Variants in ARMC3 observed in about 807,000 individuals in gnomAD.
The protein encoded by ARMC3 is armadillo repeat containing 3.
In ARMC3, 74 loss-of-function variants were observed where a neutral mutation model predicts 90.3. The ratio of observed to expected loss-of-function variants is 0.82; its 90% confidence interval spans 0.68 to 0.99. The LOEUF (loss-of-function observed/expected upper bound fraction) is 0.99. Among genes scored for constraint, ARMC3 ranks in the 50% least tolerant of loss-of-function variants. The probability of loss-of-function intolerance (pLI) is 0.00; values close to 1 mark genes in which losing one functional copy is unlikely to be tolerated. For synonymous variants in ARMC3, 334 were observed against 361.8 expected, an observed-to-expected ratio of 0.92 and a Z score of 0.87; for missense variants, 958 against 1,042.8, an observed-to-expected ratio of 0.92 and a Z score of 1.12.
chr10:22,942,087 TTATTCAGA>T (rs1275553372), intron 2 of ARMC3, among the ~76,000 whole-genome samples: 1 of 152,160 alleles, frequency 6.6e-6, no homozygotes, highest in Non-Finnish European at 1.5e-5. Flanking sequence ...AGCAGAAGTG[TTATTCAGA>T]TAATAGAACA....
At chr10:22,980,260 A>G (rs1013287397) in intron 8 of ARMC3, among the ~76,000 whole-genome samples, 2 of 152,168 alleles carry the variant, frequency 1.3e-5, no homozygotes, top group Non-Finnish European at 2.9e-5. Flanking sequence ...CATATCACAC[A>G]TTCTTCCATT....
At chr10:23,014,171 A>G (rs1403352437) in intron 16 of ARMC3, 5 of 1,549,110 alleles carry the variant, frequency 3.2e-6, no homozygotes, top group Admixed American at 2.0e-5. Context: ...TGAGGAGAAC[A>G]CAGAGACTTT....
chr10:22,994,529 C>A (rs1248720819), intron 10 of ARMC3, among the ~76,000 whole-genome samples: 5 of 152,070 alleles, frequency 3.3e-5, no homozygotes, highest in Non-Finnish European at 5.9e-5. Flanking sequence ...AAGACTCCAT[C>A]TCTAGAAAAA....
At chr10:22,974,047 C>G (rs7895048) in intron 8 of ARMC3, among the ~76,000 whole-genome samples, 1 of 151,890 alleles carries the variant, frequency 6.6e-6, no homozygotes, top group South Asian at 2.1e-4. Flanking sequence ...CGTGAGCCAC[C>G]GCGGTCGGCC....
intron 10 of ARMC3, among the ~76,000 whole-genome samples, chr10:22,993,371 T>A (rs1291385884): frequency 6.6e-6 from 1 of 152,176 alleles, no homozygotes; most frequent in African/African-American, 2.4e-5. Context: ...TTGAATACCA[T>A]CTAAAAATTA....
chr10:22,939,876 G>A (rs1450469548), intron 2 of ARMC3, among the ~76,000 whole-genome samples: 3 of 152,044 alleles, frequency 2.0e-5, no homozygotes, highest in African/African-American at 7.2e-5. Flanking sequence ...AAAGGAACAG[G>A]GAGCAAATGT....
At chr10:22,973,350 G>T (rs1024138578) in intron 8 of ARMC3, among the ~76,000 whole-genome samples, 6 of 149,350 alleles carry the variant, frequency 4.0e-5, no homozygotes, top group African/African-American at 1.5e-4. Context: ...TAACATCTTT[G>T]ATTTATAGTT....
chr10:23,035,556 C>G (rs1279261978), intron 18 of ARMC3, among the ~76,000 whole-genome samples: 1 of 152,088 alleles, frequency 6.6e-6, no homozygotes, highest in Non-Finnish European at 1.5e-5. Context: ...TACTCTTTAT[C>G]TCCCTTATTT....
intron 10 of ARMC3, among the ~76,000 whole-genome samples, chr10:22,989,746 C>T (rs1027530025): frequency 4.6e-5 from 7 of 152,186 alleles, no homozygotes; most frequent in African/African-American, 1.4e-4. Flanking sequence ...TTATTTCTGT[C>T]CAAGTTTACT....
intron 7 of ARMC3, among the ~76,000 whole-genome samples, chr10:22,965,487 C>G (rs1267225383): frequency 6.6e-6 from 1 of 152,140 alleles, no homozygotes; most frequent in Non-Finnish European, 1.5e-5. Flanking sequence ...TTATCTTTGG[C>G]TTTCTGCATT....
chr10:23,002,594 TTTCTTTTTTTCTTTC>T (rs1837357750), intron 12 of ARMC3, among the ~76,000 whole-genome samples: 1 of 151,050 alleles, frequency 6.6e-6, no homozygotes, highest in Admixed American at 6.6e-5. Flanking sequence ...TTTTCTTTCT[TTTCTTTTTTTCTTTC>T]TTTTTTTTTT....
Position 23,037,357 on chromosome 10 carries a change from T to A in ARMC3, c.2497T>A (p.Ser833Thr). The change falls in exon 19 of 19, where the codon TCT becomes ACT. Residue 833 changes from serine to threonine, a missense_variant. Coordinates refer to ENST00000298032, the MANE Select transcript of ARMC3 (RefSeq NM_173081.5). ...GAATGAAGTCATGCTGCAGAATGAC[T>A]CTCGGAAGGGAGTGATTGGGGGCCT... is the stretch of plus-strand genomic sequence containing the variant. ...AWNEVMLQNDSRKGVIGGLPA... is the reference protein window; with the variant it reads ...AWNEVMLQNDTRKGVIGGLPA... 6.2e-7 allele frequency: 1 copy of A among 1,613,980 alleles called. No individual in the cohort carries two copies. The highest frequency in any genetic ancestry group is 8.5e-7 in the Non-Finnish European group (1 of 1,179,924).
rs144830077 is a variant in ARMC3, at chr10:22,959,277, T to A, written c.362-122T>A. ...AAACCACAGCTCAATTTTGAGTTTATAAAAGAGGTGAGCTTTAAGCAAGAT... is the reference window on the plus strand; with the variant it reads ...AAACCACAGCTCAATTTTGAGTTTAAAAAAGAGGTGAGCTTTAAGCAAGAT... On this transcript the variant is annotated intron_variant, in intron 5 of 18. Coordinates refer to ENST00000298032, the MANE Select transcript of ARMC3 (RefSeq NM_173081.5). 4.4e-4 allele frequency: 581 copies of A among 1,328,524 alleles called. 9 individuals are homozygous for A. The East Asian group carries it at 0.013, about 31-fold the overall frequency. 82.3% of individuals were successfully genotyped at this position (1,328,524 alleles called of 1,614,324 possible). A position where few individuals can be genotyped will look rare whatever the true frequency, so the allele number is the denominator to read the frequency against.
chr10:23,009,791 T>C (rs780998861), intron 16 of ARMC3, among the ~76,000 whole-genome samples: 3 of 152,196 alleles, frequency 2.0e-5, no homozygotes, highest in Non-Finnish European at 4.4e-5. Flanking sequence ...GCCACCCTGC[T>C]CGGCCCCACA....
Position 22,932,093 on chromosome 10 carries a change from A to T in ARMC3, c.48+49A>T, listed in dbSNP as rs760059359. On this transcript the variant is annotated intron_variant, in intron 2 of 18. Coordinates refer to ENST00000298032, the MANE Select transcript of ARMC3 (RefSeq NM_173081.5). ...GTAGCACTTTAACAACCAGTTATAA[A>T]AATAAATTGTTCACACAGTTTGGCA... The T allele has an allele frequency of 2.6e-6, 4 of 1,513,370 alleles. No individual in the cohort carries two copies. The South Asian group carries it at 4.9e-5, about 19-fold the overall frequency. 93.7% of individuals were successfully genotyped at this position (1,513,370 alleles called of 1,614,324 possible).
At chr10:23,016,778 G>A (rs7079729) in intron 16 of ARMC3, among the ~76,000 whole-genome samples, 118,548 of 152,098 alleles carry the variant, frequency 0.78, 46,561 homozygotes, top group Non-Finnish European at 0.82. Flanking sequence ...ATTTCCTGGA[G>A]GTGTATCAGA....
intron 16 of ARMC3, among the ~76,000 whole-genome samples, chr10:23,010,191 C>A (rs1343931636): frequency 7.1e-6 from 1 of 141,346 alleles, no homozygotes; most frequent in African/African-American, 2.6e-5. Context: ...CAGCTTCCCT[C>A]TCCTTCCCTT....
chr10:22,949,294 A>T (rs962599335), intron 3 of ARMC3, among the ~76,000 whole-genome samples: 5 of 151,940 alleles, frequency 3.3e-5, no homozygotes, highest in African/African-American at 9.7e-5. Flanking sequence ...GAAAAAACGC[A>T]TAATAAGATA....
At chr10:22,942,146 T>C (rs974162990) in intron 2 of ARMC3, among the ~76,000 whole-genome samples, 2 of 152,138 alleles carry the variant, frequency 1.3e-5, no homozygotes, top group Non-Finnish European at 2.9e-5. Flanking sequence ...GGGAGAAAGC[T>C]GATAAAGGGA....
Sources: gnomAD v4.1 joint callset for allele counts (sites outside exome capture counted in the v4.1 genomes callset) on GRCh38, gnomAD v4.1.1 for gene constraint, MANE v1.5 for transcripts, NCBI Gene and HGNC (gene_info 2026-07-23, HGNC 2026-07-21) for gene names.